Variants in CHD6 observed in about 807,000 individuals in gnomAD.
The protein encoded by CHD6 is ATP-dependent chromatin remodeler CHD6.
CHD6 carries 50 observed loss-of-function variants against 276.9 expected under a neutral mutation model. The observed-to-expected ratio is 0.18, with a 90% CI of 0.14 to 0.23. The LOEUF is 0.23. Ranked by LOEUF, CHD6 falls within the 10% of genes least tolerant of loss-of-function variation. CHD6 has a pLI of 1.00. For missense variants in CHD6, 2,564 were observed against 3,365.8 expected (o/e 0.76, Z 5.89); for synonymous variants, 1,173 against 1,229.3 (o/e 0.95, Z 0.96).
In CHD6 at chr20:41,473,356, A is replaced by C; in HGVS notation, c.2630T>G (p.Phe877Cys). The change falls in exon 17 of 37, where the codon TTT (phenylalanine) becomes TGT (cysteine). Residue 877 changes from phenylalanine to cysteine, a missense_variant. Physicochemically the swap from Phe to Cys is radical, Grantham distance 205 (BLOSUM62 -2). Transcript: ENST00000373233. This position sits in a 1 kb window ranked among gnomAD's most constrained non-coding sequence, Gnocchi z 4.1. ...ATTTTGTGGGTTCCAGTCAGAATCAAATATGATGCAGGTATCAGCAGCTGT... is the reference window on the plus strand; with the variant it reads ...ATTTTGTGGGTTCCAGTCAGAATCACATATGATGCAGGTATCAGCAGCTGT... ...NLTAADTCIIFDSDWNPQNDL... is the reference protein window; with the variant it reads ...NLTAADTCIICDSDWNPQNDL... 2 of 1,614,020 alleles carry C rather than the reference A, an allele frequency of 1.2e-6. No homozygotes were observed. Among genetic ancestry groups the C allele is most frequent in the Non-Finnish European group, 1.7e-6 (2 of 1,179,972 alleles).
At chr20:41,479,089 T>C (rs1323776529) in intron 16 of CHD6, among the ~76,000 whole-genome samples, 1 of 152,030 alleles carries the variant, frequency 6.6e-6, no homozygotes, top group African/African-American at 2.4e-5. Flanking sequence ...GTGTGCTTAA[T>C]AAGCATGATG....
chr20:41,562,759 T>C (rs1232247160), intron 1 of CHD6, among the ~76,000 whole-genome samples: 4 of 152,234 alleles, frequency 2.6e-5, no homozygotes, highest in Non-Finnish European at 5.9e-5. Flanking sequence ...CGTATCTATT[T>C]TGACTATTGT....
intron 14 of CHD6, 141 bp downstream of exon 14, chr20:41,487,524 A>G: frequency 4.9e-6 from 4 of 822,998 alleles, no homozygotes; most frequent in Non-Finnish European, 1.9e-6. Context: ...CAACATACAC[A>G]AACACATAAA....
rs979104620 is a variant in CHD6 at position 41,473,974 on chromosome 20, T to C, written c.2469-457A>G. 6.6e-6 allele frequency among the ~76,000 whole-genome samples: 1 copy of C among 152,170 alleles called. No homozygotes were observed. Among genetic ancestry groups the C allele is most frequent in the Non-Finnish European group, 1.5e-5 (1 of 68,044 alleles). ...TCATCAGTTTCCAGCTACTTTAGGG[T>C]AAACCAGAAATGGTAAGAAGATTAA... On this transcript the variant is annotated intron_variant, in intron 16 of 36. Transcript: ENST00000373233. This position sits in a 1 kb window ranked among gnomAD's most constrained non-coding sequence, Gnocchi z 4.1.
chr20:41,419,128 C>A (rs561654583), intron 31 of CHD6, among the ~76,000 whole-genome samples: 1 of 152,224 alleles, frequency 6.6e-6, no homozygotes, highest in African/African-American at 2.4e-5. Flanking sequence ...TAGACTGGCT[C>A]CTTCTGGGTT....
chr20:41,520,060 A>T (rs1253610089), intron 3 of CHD6, among the ~76,000 whole-genome samples: 1 of 152,250 alleles, frequency 6.6e-6, no homozygotes, highest in African/African-American at 2.4e-5. Flanking sequence ...GCCAAAAGAC[A>T]CATGAAAAAA....
intron 1 of CHD6, among the ~76,000 whole-genome samples, chr20:41,552,067 C>T (rs557726850): frequency 2.0e-5 from 3 of 152,242 alleles, no homozygotes; most frequent in East Asian, 1.9e-4. Context: ...AAAAGTGTGT[C>T]GGGGCATTTC....
At chr20:41,551,769 A>G (rs564155719) in intron 1 of CHD6, among the ~76,000 whole-genome samples, 1 of 152,350 alleles carries the variant, frequency 6.6e-6, no homozygotes, top group Admixed American at 6.5e-5. Flanking sequence ...AAAAATCAAG[A>G]AAGAGAAATA....
At chr20:41,496,465 G>A (rs924816982) in intron 8 of CHD6, among the ~76,000 whole-genome samples, 4 of 152,182 alleles carry the variant, frequency 2.6e-5, no homozygotes, top group Non-Finnish European at 5.9e-5. Flanking sequence ...GGCTCTTGGA[G>A]CCTGAGTTTC....
intron 1 of CHD6, among the ~76,000 whole-genome samples, chr20:41,609,643 G>C (rs1390937688): frequency 6.6e-6 from 1 of 152,118 alleles, no homozygotes; most frequent in Non-Finnish European, 1.5e-5. Context: ...TGTTCTGTGA[G>C]TCTATAAACC....
At chr20:41,434,568 C>G (rs1329691795) in intron 27 of CHD6, among the ~76,000 whole-genome samples, 1 of 152,114 alleles carries the variant, frequency 6.6e-6, no homozygotes, top group Non-Finnish European at 1.5e-5. Context: ...TGGGGTTTCA[C>G]CATGTTGGTC....
chr20:41,447,361 A>C (rs2048101074), intron 24 of CHD6, among the ~76,000 whole-genome samples: 1 of 152,254 alleles, frequency 6.6e-6, no homozygotes, highest in Non-Finnish European at 1.5e-5. Context: ...GGAAGCTGAG[A>C]ACCTGGTAGC....
At position 41,484,430 on chromosome 20, in the gene CHD6, T is replaced by G. The variant is rs1439334440; in HGVS notation, c.2179A>C (p.Asn727His). Residue 727 changes from asparagine to histidine, a missense_variant, in exon 15 of 37, where the codon AAT becomes CAT. Coordinates refer to ENST00000373233, the MANE Select transcript of CHD6 (RefSeq NM_032221.5). ...KNFSFLTKGA[N>H]QHNMPNLINT... Reference sequence around the variant, plus strand: ...ATGAGATTGGGCATGTTGTGCTGATTTGCCCCCTTGGTCAGGAAGGAAAAG... The same window carrying G: ...ATGAGATTGGGCATGTTGTGCTGATGTGCCCCCTTGGTCAGGAAGGAAAAG... 2 of 1,613,770 alleles carry G rather than the reference T, an allele frequency of 1.2e-6. No homozygotes were observed. The highest frequency in any genetic ancestry group is 2.7e-5 in the African/African-American group (2 of 74,886).
At chr20:41,608,175 CATT>C (rs2045849832) in intron 1 of CHD6, among the ~76,000 whole-genome samples, 1 of 152,126 alleles carries the variant, frequency 6.6e-6, no homozygotes, top group African/African-American at 2.4e-5. Context: ...ATCTTATGCA[CATT>C]ATTTAAAATA....
At chr20:41,583,140 G>A (rs1187573524) in intron 1 of CHD6, among the ~76,000 whole-genome samples, 1 of 152,096 alleles carries the variant, frequency 6.6e-6, no homozygotes, top group Non-Finnish European at 1.5e-5. Context: ...ACAGCTCCAA[G>A]AAGCCCAGAG....
In CHD6 at chr20:41,618,165, G is replaced by C. The variant is rs868099901; in HGVS notation, c.-24+175C>G. Among the ~76,000 whole-genome samples the C allele has an allele frequency of 2.5e-3, 372 of 150,616 alleles. 2 individuals carry two copies. Among genetic ancestry groups the C allele is most frequent in the African/African-American group, 8.5e-3 (351 of 41,370 alleles). On this transcript the variant is annotated intron_variant, in intron 1 of 36. Coordinates refer to ENST00000373233, the MANE Select transcript of CHD6 (RefSeq NM_032221.5). The stretch of plus-strand genomic sequence containing the variant: ...CTGCCCTCCGCCAGGCCGCCCGCCC[G>C]CCGGCCCCGCTCGGACCCCAGCCCG...
In CHD6 at chr20:41,440,018, G is replaced by A; in HGVS notation, c.3989C>T (p.Thr1330Ile). The change falls in exon 26 of 37, where the codon ACC (threonine) becomes ATC (isoleucine). Residue 1330 changes from threonine (T) to isoleucine (I), a missense_variant. By Grantham distance (89) the Thr-to-Ile change is moderately conservative. Transcript: ENST00000373233. The part of the protein sequence containing the change: ...LSAEQGVTDG[T>I]SDIPERGNTD... ...TTCTCACCTTTCAGGAATGTCTGAG[G>A]TCCCATCTGTAACACCCTGTTCTGC... 1 of 1,614,052 alleles carries A rather than the reference G, an allele frequency of 6.2e-7. No individual in the cohort carries two copies. Among genetic ancestry groups the A allele is most frequent in the South Asian group, 1.1e-5 (1 of 91,072 alleles).
At chr20:41,591,162 G>A (rs1236347115) in intron 1 of CHD6, among the ~76,000 whole-genome samples, 31 of 139,386 alleles carry the variant, frequency 2.2e-4, no homozygotes, top group African/African-American at 8.3e-4. Flanking sequence ...ATTGAACAAT[G>A]AGAACACTTG....
rs1328026614 is a variant in CHD6, at chr20:41,422,030, A to G, written c.4605T>C (p.Ala1535=). The G allele has an allele frequency of 6.2e-7, 1 of 1,614,092 alleles. No individual in the cohort carries two copies. Residue 1535 remains alanine (A), a synonymous_variant, in exon 31 of 37, where the codon GCT becomes GCC. Coordinates refer to ENST00000373233, the MANE Select transcript of CHD6 (RefSeq NM_032221.5). The part of the protein sequence containing the change: ...IYVEPITEER[A]ARTLYRIELL... ...GTTCAATGCGGTACAGAGTTCTTGCAGCACGTTCCTCAGTGATGGGTTCAA... is the reference window on the plus strand; with the variant it reads ...GTTCAATGCGGTACAGAGTTCTTGCGGCACGTTCCTCAGTGATGGGTTCAA...
Sources: allele counts gnomAD v4.1 joint callset (sites outside exome capture counted in the v4.1 genomes callset), GRCh38; gene constraint gnomAD v4.1.1; non-coding constraint Gnocchi (gnomAD v3.1); transcripts MANE v1.5; gene names NCBI Gene and HGNC (gene_info 2026-07-23, HGNC 2026-07-21).